The following KCNT2 variants were observed in gnomAD, a reference collection of about 807,000 sequenced individuals.
KCNT2 encodes potassium sodium-activated channel subfamily T member 2.
Under a neutral mutation model 153.8 loss-of-function variants are expected in KCNT2, and 67 were observed. The observed-to-expected ratio is 0.44, with a 90% CI of 0.36 to 0.53. The LOEUF is 0.53. Ranked by LOEUF, KCNT2 falls within the 20% of genes least tolerant of loss-of-function variation. The pLI is 0.00. For synonymous variants in KCNT2, 500 were observed against 458.8 expected (o/e 1.09, Z -1.15); for missense variants, 975 against 1,354.8 (o/e 0.72, Z 4.40).
intron 15 of KCNT2, among the ~76,000 whole-genome samples, chr1:196,340,835 T>C (rs904003119): frequency 1.3e-5 from 2 of 151,872 alleles, no homozygotes; most frequent in Admixed American, 1.3e-4. Context: ...AAGGGTAACA[T>C]TATTTTGCGA....
At chr1:196,546,439 A>G (rs1657115693) in intron 1 of KCNT2, among the ~76,000 whole-genome samples, 1 of 152,084 alleles carries the variant, frequency 6.6e-6, no homozygotes, top group Non-Finnish European at 1.5e-5. Context: ...GATAGCAGCC[A>G]GCAATTTGAC....
At chr1:196,498,419 T>G (rs1680422626) in intron 1 of KCNT2, among the ~76,000 whole-genome samples, 1 of 152,166 alleles carries the variant, frequency 6.6e-6, no homozygotes, top group Non-Finnish European at 1.5e-5. Context: ...TACTACCAAG[T>G]GCTTTTTCCC....
At chr1:196,587,153 C>T (rs1321364416) in intron 1 of KCNT2, among the ~76,000 whole-genome samples, 1 of 151,834 alleles carries the variant, frequency 6.6e-6, no homozygotes, top group Non-Finnish European at 1.5e-5. Flanking sequence ...ATATTTTTTC[C>T]AAATCCTAAA....
intron 27 of KCNT2, among the ~76,000 whole-genome samples, chr1:196,230,421 T>A (rs1410556101): frequency 1.3e-5 from 2 of 152,002 alleles, no homozygotes; most frequent in Non-Finnish European, 2.9e-5. Flanking sequence ...TGCCCCTTGA[T>A]AAGGCACCTG....
chr1:196,333,492 AG>A (rs902223778), intron 17 of KCNT2, among the ~76,000 whole-genome samples: 11 of 152,180 alleles, frequency 7.2e-5, no homozygotes, highest in Non-Finnish European at 1.3e-4. Flanking sequence ...TGTGCAATAA[AG>A]TAAATTCAAA....
At chr1:196,284,229 T>TGAAAAAAAAAA (rs1659406073) in intron 23 of KCNT2, among the ~76,000 whole-genome samples, 1 of 1,206 alleles carries the variant, frequency 8.3e-4, no homozygotes, top group Non-Finnish European at 2.5e-3. Context: ...AGACTCTGTC[T>TGAAAAAAAAAA]TAAAAAAAAA....
At chr1:196,549,148 G>A (rs1192318426) in intron 1 of KCNT2, among the ~76,000 whole-genome samples, 3 of 151,918 alleles carry the variant, frequency 2.0e-5, no homozygotes, top group Non-Finnish European at 4.4e-5. Flanking sequence ...AAAACTTAAA[G>A]TATGATAAAA....
At chr1:196,380,227 A>G (rs938012374) in intron 13 of KCNT2, among the ~76,000 whole-genome samples, 2 of 152,184 alleles carry the variant, frequency 1.3e-5, no homozygotes, top group Non-Finnish European at 2.9e-5. Flanking sequence ...TTTTAGAAGC[A>G]TATGACTTTT....
At chr1:196,424,822 C>T (rs1471744625) in intron 11 of KCNT2, among the ~76,000 whole-genome samples, 2 of 151,566 alleles carry the variant, frequency 1.3e-5, no homozygotes, top group South Asian at 2.1e-4. Flanking sequence ...AAGTCTGTTC[C>T]ACAAAACAGT....
chr1:196,360,568 C>G (rs997255190), intron 14 of KCNT2, among the ~76,000 whole-genome samples: 1 of 152,028 alleles, frequency 6.6e-6, no homozygotes, highest in Admixed American at 6.6e-5. Flanking sequence ...GAAATGGGCT[C>G]TTTGAGATGT....
chr1:196,337,077 C>G (rs12119621), intron 16 of KCNT2, among the ~76,000 whole-genome samples: 1 of 152,034 alleles, frequency 6.6e-6, no homozygotes, highest in Admixed American at 6.6e-5. Context: ...CTCTCTCTCT[C>G]TCCTGAAATC....
intron 14 of KCNT2, among the ~76,000 whole-genome samples, chr1:196,356,070 A>G (rs1424006056): frequency 6.6e-6 from 1 of 151,780 alleles, no homozygotes; most frequent in Non-Finnish European, 1.5e-5. Flanking sequence ...AGGAACTTAC[A>G]AAGCTCCTAT....
intron 14 of KCNT2, among the ~76,000 whole-genome samples, chr1:196,360,133 T>C (rs1405017305): frequency 2.0e-5 from 3 of 152,070 alleles, no homozygotes; most frequent in Non-Finnish European, 4.4e-5. Context: ...TCAAATAAAA[T>C]GCCTTTCCAT....
intron 14 of KCNT2, among the ~76,000 whole-genome samples, chr1:196,370,237 C>G (rs1387049764): frequency 6.6e-6 from 1 of 152,042 alleles, no homozygotes; most frequent in Non-Finnish European, 1.5e-5. Context: ...AACAATAAGA[C>G]ATACCACTGC....
At chr1:196,271,774 G>A (rs1289958792) in intron 25 of KCNT2, among the ~76,000 whole-genome samples, 3 of 151,820 alleles carry the variant, frequency 2.0e-5, no homozygotes, top group African/African-American at 4.8e-5. Context: ...AGGATGCATC[G>A]AAGGTCAGTG....
chr1:196,573,254 C>G (rs1159795885), intron 1 of KCNT2, among the ~76,000 whole-genome samples: 1 of 151,940 alleles, frequency 6.6e-6, no homozygotes, highest in Non-Finnish European at 1.5e-5. Context: ...GTGAGAGACA[C>G]GTTTAAAATT....
intron 12 of KCNT2, among the ~76,000 whole-genome samples, chr1:196,415,246 T>C (rs1402487001): frequency 6.6e-6 from 1 of 151,848 alleles, no homozygotes; most frequent in African/African-American, 2.4e-5. Flanking sequence ...AGAGCAAAGA[T>C]TTCTACTATC....
At chr1:196,532,898 CCATAT>C (rs1315600541) in intron 1 of KCNT2, among the ~76,000 whole-genome samples, 1 of 152,028 alleles carries the variant, frequency 6.6e-6, no homozygotes, top group Non-Finnish European at 1.5e-5. Flanking sequence ...GCTAACTTCT[CCATAT>C]CATCTTGGGA....
At chr1:196,533,327 G>A (rs1034749007) in intron 1 of KCNT2, among the ~76,000 whole-genome samples, 10 of 151,978 alleles carry the variant, frequency 6.6e-5, no homozygotes, top group Non-Finnish European at 2.9e-5. Context: ...TACAAAAGGG[G>A]TAATTACAAT....
Sources: gnomAD v4.1 joint callset for allele counts (sites outside exome capture counted in the v4.1 genomes callset) on GRCh38, gnomAD v4.1.1 for gene constraint, MANE v1.5 for transcripts, NCBI Gene and HGNC (gene_info 2026-07-23, HGNC 2026-07-21) for gene names.